The following PTK7 variants were observed in gnomAD, a reference collection of about 807,000 sequenced individuals.
The protein encoded by PTK7 is protein tyrosine kinase 7 (inactive), also known as inactive tyrosine-protein kinase 7.
A neutral mutation model predicts 116.6 loss-of-function variants in PTK7; 39 were observed. That is an observed-to-expected ratio of 0.33 (90% CI 0.26 to 0.44). PTK7 has a LOEUF of 0.44. Among genes scored for constraint, PTK7 ranks in the 20% least tolerant of loss-of-function variants. PTK7 has a pLI of 1.00. For missense variants in PTK7, 1,169 were observed against 1,425.6 expected (o/e 0.82, Z 2.90); for synonymous variants, 546 against 563.6 (o/e 0.97, Z 0.44).
At chr6:43,123,737 C>T (rs540442957) in intron 1 of PTK7, among the ~76,000 whole-genome samples, 3 of 152,228 alleles carry the variant, frequency 2.0e-5, no homozygotes, top group South Asian at 2.1e-4. Context: ...TTGTTGGGGT[C>T]GGCGCCTGGT....
chr6:43,134,148 C>T (rs1181898060), intron 7 of PTK7, among the ~76,000 whole-genome samples: 1 of 152,170 alleles, frequency 6.6e-6, no homozygotes, highest in Non-Finnish European at 1.5e-5. Flanking sequence ...AAGTGATTCT[C>T]GTGCCTCAGC....
chr6:43,131,480 G>T (rs1007314327), intron 5 of PTK7, among the ~76,000 whole-genome samples: 4 of 151,406 alleles, frequency 2.6e-5, no homozygotes, highest in African/African-American at 9.7e-5. Context: ...ACATGGCTGG[G>T]CAAGCCTCAC....
At position 43,129,329 on chromosome 6, in the gene PTK7, T is replaced by C. The variant is rs781770970; in HGVS notation, c.367+65T>C. 42 of 1,570,626 alleles carry C rather than the reference T, an allele frequency of 2.7e-5. No homozygotes were observed. The highest frequency in any genetic ancestry group is 3.5e-5 in the Non-Finnish European group (40 of 1,148,702). ...CCCTCAATGACTGAGGCCTGGGGGATCCCTCCCTTACCTCAGCTTCTCCCA... is the reference window on the plus strand; with the variant it reads ...CCCTCAATGACTGAGGCCTGGGGGACCCCTCCCTTACCTCAGCTTCTCCCA... On this transcript the variant is annotated intron_variant, in intron 2 of 19. Transcript: ENST00000230419. The surrounding 1 kb of genome is among the most constrained non-coding windows in gnomAD (Gnocchi z 4.5).
intron 18 of PTK7, among the ~76,000 whole-genome samples, chr6:43,159,358 G>A (rs1771701851): frequency 6.6e-6 from 1 of 152,146 alleles, no homozygotes; most frequent in Non-Finnish European, 1.5e-5. Flanking sequence ...CAGCCTACGA[G>A]GGCTCTGCAG....
intron 17 of PTK7, among the ~76,000 whole-genome samples, chr6:43,157,364 A>ATATATATTT (rs70990168): frequency 3.7e-5 from 2 of 54,366 alleles, no homozygotes; most frequent in Non-Finnish European, 6.5e-5. Context: ...ATATATATAT[A>ATATATATTT]TTTTTTTTTT....
intron 1 of PTK7, among the ~76,000 whole-genome samples, chr6:43,119,558 T>G (rs1768836110): frequency 6.6e-6 from 1 of 152,144 alleles, no homozygotes; most frequent in Non-Finnish European, 1.5e-5. Flanking sequence ...CTCCAGTGAA[T>G]GGCTGTTGAG....
intron 1 of PTK7, among the ~76,000 whole-genome samples, chr6:43,101,600 T>C (rs1767589644): frequency 6.6e-6 from 1 of 151,650 alleles, no homozygotes; most frequent in South Asian, 2.1e-4. Context: ...CAAATAGTTT[T>C]GAGGGAAAAT....
Position 43,144,085 on chromosome 6 carries a change from A to G in PTK7, c.2252-366A>G, listed in dbSNP as rs111318394. On this transcript the variant is annotated intron_variant, in intron 14 of 19. Transcript: ENST00000230419. ...GTTCAGGAGCAGAGGTTGGGTCTCCATTATTGTGATTTTCCCTTTGTGCCT... is the reference window on the plus strand; with the variant it reads ...GTTCAGGAGCAGAGGTTGGGTCTCCGTTATTGTGATTTTCCCTTTGTGCCT... 2.3e-3 allele frequency among the ~76,000 whole-genome samples: 357 copies of G among 152,280 alleles called. 5 individuals carry two copies. The highest frequency in any genetic ancestry group is 7.8e-3 in the African/African-American group (323 of 41,536).
At position 43,141,498 on chromosome 6, in the gene PTK7, A is replaced by G. The variant is rs185786776; in HGVS notation, c.1619-170A>G. On this transcript the variant is annotated intron_variant, in intron 10 of 19. Coordinates refer to ENST00000230419, the MANE Select transcript of PTK7 (RefSeq NM_002821.5). This position sits in a 1 kb window ranked among gnomAD's most constrained non-coding sequence, Gnocchi z 4.9. ...AGAGGTGAGACTGAAGAATTGGAAG[A>G]GGGGTAAATAACGGAGGGGCTTCTA... Among the ~76,000 whole-genome samples, 4 of 152,272 alleles carry G rather than the reference A, an allele frequency of 2.6e-5. No homozygotes were observed. Among genetic ancestry groups the G allele is most frequent in the Admixed American group, 2.6e-4 (4 of 15,298 alleles).
chr6:43,112,020 G>C (rs960365106), intron 1 of PTK7, among the ~76,000 whole-genome samples: 5 of 151,940 alleles, frequency 3.3e-5, no homozygotes, highest in Non-Finnish European at 7.4e-5. Flanking sequence ...TGAAGGCATG[G>C]AAAGGATAAA....
At chr6:43,092,294 C>T (rs1229242554) in intron 1 of PTK7, among the ~76,000 whole-genome samples, 1 of 152,138 alleles carries the variant, frequency 6.6e-6, no homozygotes, top group Non-Finnish European at 1.5e-5. Flanking sequence ...CCACCTCAGC[C>T]TCCCAAGTAG....
At chr6:43,116,641 T>C (rs1037414741) in intron 1 of PTK7, among the ~76,000 whole-genome samples, 3 of 112,912 alleles carry the variant, frequency 2.7e-5, no homozygotes, top group African/African-American at 7.0e-5. Context: ...TGTGTGTGTG[T>C]GTGTGTGTGT....
chr6:43,144,762 G>A lies in PTK7; in HGVS notation c.2407+156G>A, dbSNP rs1770629310. Reference sequence around the variant, plus strand: ...AGATCTAGCCCAGTGTGGCCCCAGAGCCTGTTATTCACTGCCCTTCGTGCA... The same window carrying A: ...AGATCTAGCCCAGTGTGGCCCCAGAACCTGTTATTCACTGCCCTTCGTGCA... On this transcript the variant is annotated intron_variant, in intron 15 of 19. Transcript: ENST00000230419. 6 of 888,914 alleles carry A rather than the reference G, an allele frequency of 6.7e-6. No homozygotes were observed. The East Asian group carries it at 1.6e-4, about 24-fold the overall frequency. The allele number at this position is 888,914 out of a possible 1,614,324, so 55.1% of individuals were successfully genotyped here. A position where few individuals can be genotyped will look rare whatever the true frequency, so the allele number is the denominator to read the frequency against.
Position 43,130,575 on chromosome 6 carries a change from C to T in PTK7, c.726C>T (p.Ala242=). The T allele has an allele frequency of 1.2e-6, 2 of 1,614,126 alleles. No individual in the cohort carries two copies. The highest frequency in any genetic ancestry group is 1.7e-6 in the Non-Finnish European group (2 of 1,179,994). The part of the protein sequence containing the change: ...QDVVVARYEE[A]MFHCQFSAQP... ...TGGTAGTAGCGAGGTATGAGGAGGC[C>T]ATGTTCCATTGCCAGTTCTCAGCCC... The change falls in exon 5 of 20, where the codon GCC becomes GCT. Residue 242 remains alanine (A), a synonymous_variant. Transcript: ENST00000230419.
Position 43,141,392 on chromosome 6 carries a change from C to T in PTK7, c.1619-276C>T, listed in dbSNP as rs894096121. ...TCTAGGAGGGAGAAGTGATGGGCAG[C>T]GGAGTAGGAACAGGGCCGATCTGGG... is the stretch of plus-strand genomic sequence containing the variant. On this transcript the variant is annotated intron_variant, in intron 10 of 19. Transcript: ENST00000230419. The surrounding 1 kb of genome is among the most constrained non-coding windows in gnomAD (Gnocchi z 4.9). Among the ~76,000 whole-genome samples the T allele has an allele frequency of 4.6e-5, 7 of 151,896 alleles. No individual in the cohort carries two copies. The highest frequency in any genetic ancestry group is 9.7e-5 in the African/African-American group (4 of 41,328).
At chr6:43,142,324 G>C in intron 13 of PTK7, 25 bp downstream of exon 13, 1 of 1,613,898 alleles carries the variant, frequency 6.2e-7, no homozygotes, top group Non-Finnish European at 8.5e-7. Context: ...GGGTTATGCT[G>C]CACAGGAAGT....
Position 43,138,833 on chromosome 6 carries a change from C to T in PTK7, c.1229-16C>T, listed in dbSNP as rs1285495559. The T allele has an allele frequency of 6.3e-7, 1 of 1,597,186 alleles. No homozygotes were observed. The highest frequency in any genetic ancestry group is 1.1e-5 in the South Asian group (1 of 88,922). On this transcript the variant is annotated splice_polypyrimidine_tract_variant and intron_variant, in intron 7 of 19. Coordinates refer to ENST00000230419, the MANE Select transcript of PTK7 (RefSeq NM_002821.5). The stretch of plus-strand genomic sequence containing the variant: ...CCTGTGAAGCAGCCTTCACTGTTTC[C>T]TTCCTGTCTGTCTAGCTGTGCCCTC...
intron 7 of PTK7, among the ~76,000 whole-genome samples, chr6:43,138,072 G>A (rs533762724): frequency 6.6e-6 from 1 of 152,332 alleles, no homozygotes; most frequent in Non-Finnish European, 1.5e-5. Flanking sequence ...GCCTCTTAAA[G>A]TGCTGGGATT....
intron 18 of PTK7, 108 bp downstream of exon 18, chr6:43,159,076 C>G: frequency 7.1e-7 from 1 of 1,407,822 alleles, no homozygotes; most frequent in Non-Finnish European, 9.7e-7. Flanking sequence ...CCTGCTTAGT[C>G]CAAAGCTGGA....
Sources: gnomAD v4.1 joint callset for allele counts (sites outside exome capture counted in the v4.1 genomes callset) on GRCh38, gnomAD v4.1.1 for gene constraint, Gnocchi (gnomAD v3.1) non-coding constraint, MANE v1.5 for transcripts, NCBI Gene and HGNC (gene_info 2026-07-23, HGNC 2026-07-21) for gene names.